EDN1: variants seen among roughly 807,000 people sequenced by gnomAD.
EDN1 encodes endothelin-1.
Under a neutral mutation model 21.7 loss-of-function variants are expected in EDN1, and 11 were observed. The ratio of observed to expected loss-of-function variants is 0.51; its 90% CI spans 0.32 to 0.84. EDN1 has a LOEUF of 0.84. Ranked by LOEUF, EDN1 falls within the 40% of genes least tolerant of loss-of-function variation. The pLI is 0.03. For missense variants in EDN1, 244 were observed against 262.3 expected, an observed-to-expected ratio of 0.93 and a Z score of 0.48; for synonymous variants, 85 against 90.6, an observed-to-expected ratio of 0.94 and a Z score of 0.35.
At position 12,290,400 on chromosome 6, in the gene EDN1, C is replaced by A; in HGVS notation, c.-230C>A. ...ATCTGCGCCAGGCGAACGGGTCCTG[C>A]GCCTCCTGCAGTCCCAGCTCTCCAC... is the stretch of plus-strand genomic sequence containing the variant. On this transcript the variant is annotated 5_prime_UTR_variant, in exon 1 of 5. Coordinates refer to ENST00000379375, the MANE Select transcript of EDN1 (RefSeq NM_001955.5). The A allele has an allele frequency of 5.2e-6, 3 of 573,468 alleles. No individual in the cohort carries two copies. Among genetic ancestry groups the A allele is most frequent in the Admixed American group, 6.1e-5 (2 of 32,972 alleles). The allele number at this position is 573,468 out of a possible 1,614,324, so 35.5% of individuals were successfully genotyped here. A position where few individuals can be genotyped will look rare whatever the true frequency, so the allele number is the denominator to read the frequency against.
At chr6:12,254,467 G>A in the EDN1 span, among the ~76,000 whole-genome samples, 1 of 152,102 alleles carries the variant, frequency 6.6e-6, no homozygotes, top group South Asian at 2.1e-4. Context: ...GATTATAACA[G>A]CCTGTTGATA....
the EDN1 span, among the ~76,000 whole-genome samples, chr6:12,262,018 C>T: frequency 6.6e-6 from 1 of 151,628 alleles, no homozygotes; most frequent in East Asian, 1.9e-4. Context: ...ACTGGCAGCC[C>T]CAGCATTTCA....
intron 1 of EDN1, among the ~76,000 whole-genome samples, chr6:12,291,784 C>A (rs995013163): frequency 6.6e-6 from 1 of 152,182 alleles, no homozygotes; most frequent in South Asian, 2.1e-4. Context: ...TTTCTCTCTC[C>A]AATCATTTTC....
At chr6:12,233,866 A>G in the EDN1 span, among the ~76,000 whole-genome samples, 1 of 152,166 alleles carries the variant, frequency 6.6e-6, no homozygotes, top group Non-Finnish European at 1.5e-5. Flanking sequence ...TGCTCATGGG[A>G]GCCTGAGTAA....
At chr6:12,292,562 C>A in intron 2 of EDN1, 53 bp downstream of exon 2, 1 of 1,595,828 alleles carries the variant, frequency 6.3e-7, no homozygotes, top group Non-Finnish European at 8.6e-7. Flanking sequence ...GCTGGCTCCA[C>A]TGGAGCCCAG....
chr6:12,270,789 T>C, the EDN1 span, among the ~76,000 whole-genome samples: 14 of 152,210 alleles, frequency 9.2e-5, no homozygotes, highest in Non-Finnish European at 1.6e-4. Flanking sequence ...GTTAGGTACA[T>C]TTGGTTTAGA....
upstream of EDN1, among the ~76,000 whole-genome samples, chr6:12,286,270 T>A (rs574844154): frequency 6.6e-6 from 1 of 152,342 alleles, no homozygotes; most frequent in African/African-American, 2.4e-5. Flanking sequence ...TGTTGTATGT[T>A]TTTAAAATGT....
At chr6:12,245,590 G>GCA in the EDN1 span, among the ~76,000 whole-genome samples, 57 of 152,322 alleles carry the variant, frequency 3.7e-4, no homozygotes, top group Non-Finnish European at 6.9e-4. Context: ...CTCTTAGCCT[G>GCA]GGCTATGTCC....
chr6:12,261,844 G>A, the EDN1 span, among the ~76,000 whole-genome samples: 1 of 152,182 alleles, frequency 6.6e-6, no homozygotes, highest in Non-Finnish European at 1.5e-5. Context: ...GGGTCAAAAG[G>A]GGAAGGATGT....
chr6:12,254,517 G>A, the EDN1 span, among the ~76,000 whole-genome samples: 1 of 152,160 alleles, frequency 6.6e-6, no homozygotes, highest in South Asian at 2.1e-4. Flanking sequence ...CCATAAAGCT[G>A]TGGACCATAT....
chr6:12,269,644 A>C, the EDN1 span, among the ~76,000 whole-genome samples: 1 of 152,172 alleles, frequency 6.6e-6, no homozygotes, highest in African/African-American at 2.4e-5. Context: ...CCTTGAGTCC[A>C]TGAAATAAAT....
chr6:12,274,905 G>A, the EDN1 span, among the ~76,000 whole-genome samples: 8 of 150,876 alleles, frequency 5.3e-5, no homozygotes, highest in Admixed American at 1.3e-4. Flanking sequence ...CTGGGTACTG[G>A]CTGCTAGAAA....
chr6:12,256,921 C>T, the EDN1 span, among the ~76,000 whole-genome samples: 1 of 152,154 alleles, frequency 6.6e-6, no homozygotes, highest in Non-Finnish European at 1.5e-5. Context: ...TCTTCACATT[C>T]TGTACAGACG....
the EDN1 span, among the ~76,000 whole-genome samples, chr6:12,247,742 TTGGCCACGC>T: frequency 3.3e-5 from 5 of 151,994 alleles, no homozygotes; most frequent in Non-Finnish European, 5.9e-5. Context: ...TTTCACCATG[TTGGCCACGC>T]TGGTCTCAAT....
the EDN1 span, among the ~76,000 whole-genome samples, chr6:12,251,771 T>G: frequency 6.6e-6 from 1 of 152,170 alleles, no homozygotes; most frequent in Non-Finnish European, 1.5e-5. Context: ...TCCCCAAATT[T>G]GCACATGGGA....
the EDN1 span, among the ~76,000 whole-genome samples, chr6:12,272,756 T>A: frequency 2.0e-5 from 3 of 152,230 alleles, no homozygotes; most frequent in South Asian, 2.1e-4. Context: ...CATGGGCCAC[T>A]GCGCCCAGCT....
At chr6:12,238,930 A>G in the EDN1 span, among the ~76,000 whole-genome samples, 1 of 152,200 alleles carries the variant, frequency 6.6e-6, no homozygotes, top group Non-Finnish European at 1.5e-5. Flanking sequence ...ATTGTTTGAA[A>G]AACTGCATGT....
the EDN1 span, among the ~76,000 whole-genome samples, chr6:12,267,328 C>G: frequency 6.6e-6 from 1 of 152,264 alleles, no homozygotes; most frequent in African/African-American, 2.4e-5. Flanking sequence ...TTAAAGGTCC[C>G]TGTAGCCCAT....
chr6:12,291,228 C>A (rs955788636), intron 1 of EDN1, among the ~76,000 whole-genome samples: 2 of 130,178 alleles, frequency 1.5e-5, no homozygotes, highest in East Asian at 2.1e-4. Flanking sequence ...CCCCCCCCCC[C>A]CGCCACCACC....
Sources: allele counts gnomAD v4.1 joint callset (sites outside exome capture counted in the v4.1 genomes callset), GRCh38; gene constraint gnomAD v4.1.1; transcripts MANE v1.5; gene names NCBI Gene and HGNC (gene_info 2026-07-23, HGNC 2026-07-21).